Variants in PAK2 observed in about 807,000 individuals in gnomAD.
The protein encoded by PAK2 is p21 (RAC1) activated kinase 2, also known as serine/threonine-protein kinase PAK 2.
In PAK2, 21 loss-of-function variants were observed where a neutral mutation model predicts 65.9. The observed-to-expected ratio is 0.32, with a 90% confidence interval of 0.23 to 0.46. The LOEUF (loss-of-function observed/expected upper bound fraction) is 0.46. PAK2 is among the 20% of genes least tolerant of loss of function. The pLI is 1.00. For synonymous variants in PAK2, 204 were observed against 219.7 expected, an observed-to-expected ratio of 0.93 and a Z score of 0.63; for missense variants, 324 against 642.6, an observed-to-expected ratio of 0.50 and a Z score of 5.36.
At chr3:196,763,861 C>T (rs1166973688) in intron 1 of PAK2, among the ~76,000 whole-genome samples, 5 of 152,074 alleles carry the variant, frequency 3.3e-5, no homozygotes, top group Non-Finnish European at 5.9e-5. Context: ...TGGTGTGGCA[C>T]GATCACGGCT....
intron 14 of PAK2, chr3:196,827,571 G>A (rs1286402690): frequency 3.4e-6 from 1 of 296,514 alleles, no homozygotes; most frequent in African/African-American, 2.3e-5. Context: ...CCTGGACACA[G>A]GAAGGGGAAC....
At chr3:196,751,741 C>CTTT (rs200558658) in intron 1 of PAK2, among the ~76,000 whole-genome samples, 36 of 79,296 alleles carry the variant, frequency 4.5e-4, no homozygotes, top group African/African-American at 1.8e-3. Flanking sequence ...AAATGAATTT[C>CTTT]TTTTTTTTTT....
intron 1 of PAK2, among the ~76,000 whole-genome samples, chr3:196,742,021 C>T (rs1046915237): frequency 1.3e-5 from 2 of 151,848 alleles, no homozygotes; most frequent in African/African-American, 4.8e-5. Context: ...GTTTATAGTT[C>T]GAGTATACAG....
chr3:196,745,596 C>T (rs1192278307), intron 1 of PAK2, among the ~76,000 whole-genome samples: 1 of 152,112 alleles, frequency 6.6e-6, no homozygotes, highest in Non-Finnish European at 1.5e-5. Context: ...GGTGGATCAC[C>T]TGATGTCAGC....
chr3:196,744,495 AC>A lies in PAK2; in HGVS notation c.-22+4340del, dbSNP rs1012484597. Among the ~76,000 whole-genome samples, 57 of 152,146 alleles carry A rather than the reference AC, an allele frequency of 3.7e-4. 1 individual carries two copies. The highest frequency in any genetic ancestry group is 1.3e-3 in the African/African-American group (55 of 41,430). ...TGGAGGTATAGTGAGCTATGATTGCACCATTGCATTCCAGCCTGGGTGACAG... is the reference window on the plus strand; with the variant it reads ...TGGAGGTATAGTGAGCTATGATTGCACATTGCATTCCAGCCTGGGTGACAG... On this transcript the variant is annotated intron_variant, in intron 1 of 14. Coordinates refer to ENST00000327134, the MANE Select transcript of PAK2 (RefSeq NM_002577.4).
At chr3:196,745,746 G>A (rs757289646) in intron 1 of PAK2, among the ~76,000 whole-genome samples, 1 of 151,522 alleles carries the variant, frequency 6.6e-6, no homozygotes, top group Non-Finnish European at 1.5e-5. Context: ...CCCGGGAGGC[G>A]GAGGTTGCAA....
intron 1 of PAK2, among the ~76,000 whole-genome samples, chr3:196,743,804 C>T (rs1713284164): frequency 6.6e-6 from 1 of 152,118 alleles, no homozygotes; most frequent in Admixed American, 6.5e-5. Flanking sequence ...ACTGCTTGAA[C>T]CCAGGAGGCA....
intron 11 of PAK2, among the ~76,000 whole-genome samples, chr3:196,815,460 C>G (rs1056899550): frequency 6.6e-6 from 1 of 150,798 alleles, no homozygotes; most frequent in South Asian, 2.1e-4. Context: ...CCACCGCACT[C>G]CATCCTGGGC....
At chr3:196,822,493 A>G (rs1388390702) in intron 13 of PAK2, among the ~76,000 whole-genome samples, 1 of 152,140 alleles carries the variant, frequency 6.6e-6, no homozygotes, top group East Asian at 1.9e-4. Context: ...GTTCAAGGCC[A>G]GCCTAGGCAA....
chr3:196,762,660 TGAGAGGGAGACCGTGGG>T (rs1273668528), intron 1 of PAK2, among the ~76,000 whole-genome samples: 4 of 150,238 alleles, frequency 2.7e-5, no homozygotes, highest in South Asian at 2.1e-4. Context: ...CGGCTCCGCA[TGAGAGGGAGACCGTGGG>T]GAGAGGGAGA....
At chr3:196,748,114 T>C (rs1345194254) in intron 1 of PAK2, among the ~76,000 whole-genome samples, 1 of 150,960 alleles carries the variant, frequency 6.6e-6, no homozygotes, top group Non-Finnish European at 1.5e-5. Flanking sequence ...TATGTGTTGG[T>C]TGAGTGTCAC....
At chr3:196,812,682 G>A (rs1025520321) in intron 9 of PAK2, 57 bp from the exon 10 acceptor site, 5 of 791,720 alleles carry the variant, frequency 6.3e-6, no homozygotes, top group Non-Finnish European at 2.2e-6. Flanking sequence ...CTTGGGGTTT[G>A]TAATTTTCTA....
intron 6 of PAK2, among the ~76,000 whole-genome samples, chr3:196,807,426 T>C (rs1369269583): frequency 6.6e-6 from 1 of 152,182 alleles, no homozygotes; most frequent in African/African-American, 2.4e-5. Context: ...AACATCAAGG[T>C]TTCTGTTCTT....
intron 2 of PAK2, among the ~76,000 whole-genome samples, chr3:196,798,360 TG>T (rs1715322263): frequency 6.6e-6 from 1 of 151,424 alleles, no homozygotes; most frequent in South Asian, 2.1e-4. Context: ...TTTTTTTTTT[TG>T]GAGAAGGAGT....
intron 2 of PAK2, 74 bp downstream of exon 2, chr3:196,782,907 A>G: frequency 1.0e-6 from 1 of 962,876 alleles, no homozygotes; most frequent in Non-Finnish European, 1.6e-6. Flanking sequence ...GATAACTTTT[A>G]TGGTGAGAAC....
At chr3:196,822,600 C>T (rs1711691896) in intron 13 of PAK2, among the ~76,000 whole-genome samples, 1 of 151,992 alleles carries the variant, frequency 6.6e-6, no homozygotes, top group African/African-American at 2.4e-5. Flanking sequence ...TCATCCTGCC[C>T]CAGTGCGTGG....
At chr3:196,813,118 A>C (rs1351610001) in intron 10 of PAK2, among the ~76,000 whole-genome samples, 1 of 152,120 alleles carries the variant, frequency 6.6e-6, no homozygotes, top group Non-Finnish European at 1.5e-5. Context: ...AAGCGAACAC[A>C]TGAATGGTTG....
Position 196,828,302 on chromosome 3 carries a change from C to T in PAK2, c.1489-17C>T. On this transcript the variant is annotated splice_polypyrimidine_tract_variant and intron_variant, in intron 14 of 14. Coordinates refer to ENST00000327134, the MANE Select transcript of PAK2 (RefSeq NM_002577.4). ...GAATGGCACTTATACATTTATTTTT[C>T]CCCTTCTTTCTGGCAGCATCCTTTC... 6.7e-7 allele frequency: 1 copy of T among 1,490,852 alleles called. No homozygotes were observed. The highest frequency in any genetic ancestry group is 9.3e-7 in the Non-Finnish European group (1 of 1,074,010). The allele number at this position is 1,490,852 out of a possible 1,614,324, so 92.4% of individuals were successfully genotyped here. A position where few individuals can be genotyped will look rare whatever the true frequency, so the allele number is the denominator to read the frequency against.
chr3:196,762,556 CAT>C (rs1714016151), intron 1 of PAK2, among the ~76,000 whole-genome samples: 1 of 149,998 alleles, frequency 6.7e-6, no homozygotes, highest in Non-Finnish European at 1.5e-5. Flanking sequence ...CGTGGCGGCG[CAT>C]GCCTGCAATC....
Sources: allele counts gnomAD v4.1 joint callset (sites outside exome capture counted in the v4.1 genomes callset), GRCh38; gene constraint gnomAD v4.1.1; transcripts MANE v1.5; gene names NCBI Gene and HGNC (gene_info 2026-07-23, HGNC 2026-07-21).